Variants in MACF1 observed in about 807,000 individuals in gnomAD.
The protein encoded by MACF1 is microtubule-actin cross-linking factor 1.
MACF1 carries 193 observed loss-of-function variants against 854.8 expected under a neutral mutation model. The observed-to-expected ratio is 0.23, with a 90% CI of 0.20 to 0.25. MACF1 has a LOEUF of 0.25. Ranked by LOEUF, MACF1 falls within the 10% of genes least tolerant of loss-of-function variation. The pLI, the probability that MACF1 is intolerant of heterozygous loss-of-function variation, is 1.00. For synonymous variants in MACF1, 3,185 were observed against 3,226.7 expected (o/e 0.99, Z 0.44); for missense variants, 7,722 against 8,929.1 (o/e 0.86, Z 5.45).
At chr1:39,131,938 C>T (rs1440921263) in intron 2 of MACF1, among the ~76,000 whole-genome samples, 1 of 152,214 alleles carries the variant, frequency 6.6e-6, no homozygotes, top group Non-Finnish European at 1.5e-5. Flanking sequence ...TGAGCCACTG[C>T]ACCCAACTTG....
At chr1:39,147,237 CCT>C (rs1452134901) in intron 2 of MACF1, among the ~76,000 whole-genome samples, 1 of 148,762 alleles carries the variant, frequency 6.7e-6, no homozygotes, top group African/African-American at 2.5e-5. Flanking sequence ...TTCTTCCTTT[CCT>C]CTCTCCTCTC....
intron 28 of MACF1, 102 bp downstream of exon 28, chr1:39,316,631 G>A (rs1646415895): frequency 1.7e-6 from 2 of 1,170,778 alleles, no homozygotes; most frequent in African/African-American, 1.5e-5. Context: ...ATTTAAATTT[G>A]CATTTGAATA....
At chr1:39,326,022 T>A (rs536180187) in intron 35 of MACF1, among the ~76,000 whole-genome samples, 16 of 152,164 alleles carry the variant, frequency 1.1e-4, no homozygotes, top group Non-Finnish European at 1.8e-4. Context: ...GTTTGATTGA[T>A]TTGGGGTTGG....
At position 39,347,210 on chromosome 1, in the gene MACF1, G is replaced by T; in HGVS notation, c.10815G>T (p.Lys3605Asn). 1 of 1,609,318 alleles carries T rather than the reference G, an allele frequency of 6.2e-7. No homozygotes were observed. The highest frequency in any genetic ancestry group is 8.5e-7 in the Non-Finnish European group (1 of 1,176,134). Reference sequence around the variant, plus strand: ...AAATGGAGCAGGAAGCCCTGGTGAAGGTCAGACTGAACCAGCAGCTGGGCT... The same window carrying T: ...AAATGGAGCAGGAAGCCCTGGTGAATGTCAGACTGAACCAGCAGCTGGGCT... ...LQQMEQEALV[K>N]TLQKQQNTCH... Residue 3605 changes from lysine (K) to asparagine (N), a missense_variant and splice_region_variant, in exon 41 of 101, where the codon AAG (lysine) becomes AAT (asparagine). By Grantham distance (94) the Lys-to-Asn change is moderately conservative. Around this residue, in one of 15 missense-constraint regions of MACF1, gnomAD observed 854 missense variants for 852.6 expected, o/e 1.00. Coordinates refer to ENST00000564288, the MANE Select transcript of MACF1 (RefSeq NM_001394062.1).
At chr1:39,254,396 C>T (rs1645075242) in intron 5 of MACF1, 21 bp downstream of exon 5, 3 of 1,608,940 alleles carry the variant, frequency 1.9e-6, no homozygotes, top group East Asian at 4.5e-5. Context: ...CACATGCCTT[C>T]CCCATTCTTC....
Position 39,388,046 on chromosome 1 carries a change from T to C in MACF1, c.15204T>C (p.Tyr5068=), listed in dbSNP as rs747847674. ...AGGCCCTAGAGCCTCAGGTAGACTA[T>C]CTGAGGAACTTTACTCAGGGTCTGG... ...VLQALEPQVD[Y]LRNFTQGLVE... Residue 5068 remains tyrosine, a synonymous_variant, in exon 58 of 101, where the codon TAT becomes TAC. Transcript: ENST00000564288. 1 of 1,614,088 alleles carries C rather than the reference T, an allele frequency of 6.2e-7. No homozygotes were observed. The highest frequency in any genetic ancestry group is 1.3e-5 in the African/African-American group (1 of 75,014).
chr1:39,448,594 G>C lies in MACF1; in HGVS notation c.20089G>C (p.Glu6697Gln). 1 of 1,508,822 alleles carries C rather than the reference G, an allele frequency of 6.6e-7. No homozygotes were observed. Among genetic ancestry groups the C allele is most frequent in the East Asian group, 2.3e-5 (1 of 42,844 alleles). 93.5% of individuals were successfully genotyped at this position (1,508,822 alleles called of 1,614,324 possible). A position where few individuals can be genotyped will look rare whatever the true frequency, so the allele number is the denominator to read the frequency against. The change falls in exon 84 of 101, where the codon GAG (glutamate) becomes CAG (glutamine). Residue 6697 changes from glutamate to glutamine, a missense_variant and splice_region_variant. This residue lies in a region of MACF1 where 729 missense variants were observed against 900.5 expected (regional missense o/e 0.81). Coordinates refer to ENST00000564288, the MANE Select transcript of MACF1 (RefSeq NM_001394062.1). ...TTTTCTTTTCTTTCTGGAAACATAG[G>C]AGTTTCAGAAGACTCTTGGTGGCAA... Reference protein sequence around the residue: ...KIKLQLSKHKEFQKTLGGKQP... With the variant: ...KIKLQLSKHKQFQKTLGGKQP...
At chr1:39,295,647 C>A in intron 19 of MACF1, 140 bp from the exon 20 acceptor site, 1 of 625,522 alleles carries the variant, frequency 1.6e-6, no homozygotes. Context: ...AAGCATTGAG[C>A]AGATGCCAGT....
Position 39,442,132 on chromosome 1 carries a change from G to A in MACF1, c.18775-15G>A, listed in dbSNP as rs1209863389. 9 of 1,589,318 alleles carry A rather than the reference G, an allele frequency of 5.7e-6. No individual in the cohort carries two copies. Among genetic ancestry groups the A allele is most frequent in the South Asian group, 2.3e-5 (2 of 87,496 alleles). On this transcript the variant is annotated splice_polypyrimidine_tract_variant and intron_variant, in intron 75 of 100. Transcript: ENST00000564288. ...AGGCTTGATTTGATGTTAACATTGAGTGTGTCTTTGACAGGAGTTCAAAGT... is the reference window on the plus strand; with the variant it reads ...AGGCTTGATTTGATGTTAACATTGAATGTGTCTTTGACAGGAGTTCAAAGT...
intron 2 of MACF1, among the ~76,000 whole-genome samples, chr1:39,159,223 G>C (rs1330022841): frequency 6.6e-6 from 1 of 152,226 alleles, no homozygotes; most frequent in Non-Finnish European, 1.5e-5. Flanking sequence ...AGGTACTTCA[G>C]CAACAGCCTG....
intron 5 of MACF1, among the ~76,000 whole-genome samples, chr1:39,255,575 A>G (rs960144009): frequency 3.3e-5 from 5 of 152,160 alleles, no homozygotes; most frequent in Admixed American, 6.5e-5. Context: ...TCTCATAACA[A>G]TTTACTTCTG....
At chr1:39,280,350 G>C (rs937429034) in intron 6 of MACF1, among the ~76,000 whole-genome samples, 6 of 152,076 alleles carry the variant, frequency 3.9e-5, no homozygotes, top group Admixed American at 3.3e-4. Context: ...AAAGGACTGT[G>C]ATCAATGATT....
intron 2 of MACF1, among the ~76,000 whole-genome samples, chr1:39,158,715 C>T (rs1643738072): frequency 6.6e-6 from 1 of 152,128 alleles, no homozygotes; most frequent in South Asian, 2.1e-4. Flanking sequence ...TCCCGTAGCT[C>T]ATTTGCACAA....
In MACF1 at chr1:39,115,783, G is replaced by A. The variant is rs181094936; in HGVS notation, c.220+31345G>A. On this transcript the variant is annotated intron_variant, in intron 2 of 93. Transcript: ENST00000361689. ...GAGTGGTGTCAGAAGCAGAGAAAGA[G>A]GATCTCCTGAAGGAAATTGTCCACA... 1.1e-4 allele frequency among the ~76,000 whole-genome samples: 16 copies of A among 152,302 alleles called. No individual in the cohort carries two copies. The East Asian group carries it at 3.1e-3, about 29-fold the overall frequency.
At position 39,409,058 on chromosome 1, in the gene MACF1, AG is replaced by A; in HGVS notation, c.15817-13315del. Among the ~76,000 whole-genome samples, 1 of 149,574 alleles carries A rather than the reference AG, an allele frequency of 6.7e-6. No individual in the cohort carries two copies. Among genetic ancestry groups the A allele is most frequent in the East Asian group, 2.0e-4 (1 of 4,944 alleles). On this transcript the variant is annotated intron_variant, in intron 58 of 100. Transcript: ENST00000564288. The surrounding 1 kb of genome is among the most constrained non-coding windows in gnomAD (Gnocchi z 4.2). ...CGGCGGCGCGGGGAAGGGGGAGGAG[AG>A]CCGCCCGCCAGCCGAGCACTTCCAG...
chr1:39,124,141 C>T (rs1189060284), intron 2 of MACF1, among the ~76,000 whole-genome samples: 1 of 151,708 alleles, frequency 6.6e-6, no homozygotes, highest in Non-Finnish European at 1.5e-5. Flanking sequence ...CCACCTTGGC[C>T]TCCCAAAGTG....
At chr1:39,443,623 C>T in intron 79 of MACF1, 49 bp downstream of exon 79, 1 of 1,537,958 alleles carries the variant, frequency 6.5e-7, no homozygotes, top group Non-Finnish European at 8.7e-7. Context: ...TATTCACTAG[C>T]TCCTTTCCAA....
rs868114496 is a variant in MACF1 at position 39,105,354 on chromosome 1, C to G, written c.220+20916C>G. ...CCGCCGCCCGCCGCTGCAGCCGCGC[C>G]GGGGCGGGCTGAGGGAGGAGCGGAG... On this transcript the variant is annotated intron_variant, in intron 2 of 93. Transcript: ENST00000361689. This position sits in a 1 kb window ranked among gnomAD's most constrained non-coding sequence, Gnocchi z 5.9. 4.7e-5 allele frequency: 45 copies of G among 964,042 alleles called. No homozygotes were observed. The highest frequency in any genetic ancestry group is 5.4e-5 in the Non-Finnish European group (44 of 811,242). 59.7% of individuals were successfully genotyped at this position (964,042 alleles called of 1,614,324 possible).
chr1:39,105,779 C>T lies in MACF1; in HGVS notation c.220+21341C>T, dbSNP rs972459293. The T allele has an allele frequency of 9.7e-7, 1 of 1,026,742 alleles. No individual in the cohort carries two copies. Among genetic ancestry groups the T allele is most frequent in the East Asian group, 1.1e-4 (1 of 9,296 alleles). 63.6% of individuals were successfully genotyped at this position (1,026,742 alleles called of 1,614,324 possible). A position where few individuals can be genotyped will look rare whatever the true frequency, so the allele number is the denominator to read the frequency against. On this transcript the variant is annotated intron_variant, in intron 2 of 93. Coordinates refer to the MACF1 transcript ENST00000361689. This position sits in a 1 kb window ranked among gnomAD's most constrained non-coding sequence, Gnocchi z 5.9. ...GCCGGCGCAGCGTGGCCTTCGGAGC[C>T]GGTCGGCTCGGCGGCTGCAGGTGGG...
Sources: gnomAD v4.1 joint callset for allele counts (sites outside exome capture counted in the v4.1 genomes callset) on GRCh38, gnomAD v4.1.1 for gene constraint, gnomAD v4.1.1 regional missense constraint, Gnocchi (gnomAD v3.1) non-coding constraint, MANE v1.5 for transcripts, NCBI Gene and HGNC (gene_info 2026-07-23, HGNC 2026-07-21) for gene names.